TLK2: variants seen among roughly 807,000 people sequenced by gnomAD.
TLK2 encodes the protein tousled like kinase 2.
In TLK2, 6 loss-of-function variants were observed where a neutral mutation model predicts 117.3. The observed-to-expected ratio is 0.05, with a 90% CI of 0.03 to 0.10. TLK2 has a LOEUF of 0.10. Ranked by LOEUF, TLK2 falls within the 10% of genes least tolerant of loss-of-function variation. TLK2 has a pLI of 1.00. For synonymous variants in TLK2, 257 were observed against 316.7 expected (o/e 0.81, Z 2.00); for missense variants, 299 against 901.2 (o/e 0.33, Z 8.56).
At chr17:62,477,750 ATTTT>A, upstream of TLK2, 1 of 152,154 alleles carries the variant, frequency 6.6e-6, no homozygotes, top group South Asian at 2.1e-4. Flanking sequence ...GTGAAGAGTG[ATTTT>A]TTTCCCTTGG....
At chr17:62,582,088 A>G (rs1186620316) in intron 15 of TLK2, among the ~76,000 whole-genome samples, 3 of 152,176 alleles carry the variant, frequency 2.0e-5, no homozygotes, top group Admixed American at 6.5e-5. Flanking sequence ...CTCTACAAAG[A>G]AAGAAAAGAA....
intron 11 of TLK2, among the ~76,000 whole-genome samples, chr17:62,567,604 C>G (rs1485058967): frequency 6.6e-6 from 1 of 152,222 alleles, no homozygotes; most frequent in East Asian, 1.9e-4. Flanking sequence ...TTGAAATTCT[C>G]TAGTTGTAAA....
intron 11 of TLK2, among the ~76,000 whole-genome samples, chr17:62,568,672 C>T (rs1205854112): frequency 6.6e-6 from 1 of 151,904 alleles, no homozygotes; most frequent in Non-Finnish European, 1.5e-5. Flanking sequence ...GCAACCTCTG[C>T]CTCCCGAGTT....
At chr17:62,555,725 C>T (rs1171163349) in intron 9 of TLK2, among the ~76,000 whole-genome samples, 10 of 152,018 alleles carry the variant, frequency 6.6e-5, no homozygotes, top group African/African-American at 2.4e-4. Flanking sequence ...GATCCACCCA[C>T]CTCGGCCTCC....
At chr17:62,595,025 A>G (rs917505747) in intron 16 of TLK2, among the ~76,000 whole-genome samples, 4 of 152,208 alleles carry the variant, frequency 2.6e-5, no homozygotes, top group African/African-American at 9.6e-5. Flanking sequence ...GCCATGGCGC[A>G]GTCTCGCCTC....
chr17:62,520,348 A>G (rs1438652280), intron 2 of TLK2, among the ~76,000 whole-genome samples: 1 of 152,188 alleles, frequency 6.6e-6, no homozygotes, highest in African/African-American at 2.4e-5. Flanking sequence ...GGGCAGGATG[A>G]GAAACACTGA....
At chr17:62,577,905 G>A (rs1369979192) in intron 13 of TLK2, among the ~76,000 whole-genome samples, 2 of 152,088 alleles carry the variant, frequency 1.3e-5, no homozygotes, top group African/African-American at 2.4e-5. Flanking sequence ...AAATTAGCTG[G>A]GCGTGGTGGC....
chr17:62,487,309 AAG>A (rs1482648177), intron 2 of TLK2, among the ~76,000 whole-genome samples: 1 of 151,362 alleles, frequency 6.6e-6, no homozygotes, highest in African/African-American at 2.4e-5. Context: ...AAAAAAAAGA[AAG>A]AAATATGATT....
At chr17:62,523,598 A>C (rs1254287505) in intron 5 of TLK2, among the ~76,000 whole-genome samples, 1 of 152,136 alleles carries the variant, frequency 6.6e-6, no homozygotes, top group Non-Finnish European at 1.5e-5. Context: ...AAAGAAAGAA[A>C]GTAATGTTTT....
Position 62,536,166 on chromosome 17 carries a change from C to G in TLK2, c.364-4C>G, listed in dbSNP as rs750115967. The stretch of plus-strand genomic sequence containing the variant: ...CATTTGTGTGTTTCTTTACTGTTTT[C>G]CAGCGACGAGTAGAACAGCCCCTCT... On this transcript the variant is annotated splice_polypyrimidine_tract_variant and splice_region_variant and intron_variant, in intron 6 of 21. Transcript: ENST00000346027. The G allele has an allele frequency of 6.2e-7, 1 of 1,609,138 alleles. No individual in the cohort carries two copies. The highest frequency in any genetic ancestry group is 8.5e-7 in the Non-Finnish European group (1 of 1,178,282).
intron 17 of TLK2, among the ~76,000 whole-genome samples, chr17:62,597,484 C>T (rs769613577): frequency 2.6e-5 from 4 of 152,210 alleles, no homozygotes; most frequent in East Asian, 1.9e-4. Context: ...ATGCCACTGA[C>T]GTGCACTAGT....
intron 15 of TLK2, among the ~76,000 whole-genome samples, chr17:62,583,054 G>A (rs544598785): frequency 1.8e-4 from 27 of 151,924 alleles, no homozygotes; most frequent in Non-Finnish European, 2.6e-4. Context: ...TCCATCTCTC[G>A]CCTACCGTGT....
At chr17:62,476,927 A>T (rs1271182020), upstream of TLK2, among the ~76,000 whole-genome samples, 1 of 862 alleles carries the variant, frequency 1.2e-3, no homozygotes, top group Non-Finnish European at 0.25. Context: ...ACCAAAAAAG[A>T]AAAAAAAAAA....
intron 2 of TLK2, 78 bp downstream of exon 2, chr17:62,481,284 G>C (rs1241421079): frequency 1.3e-6 from 2 of 1,522,726 alleles, no homozygotes; most frequent in Non-Finnish European, 9.0e-7. Flanking sequence ...AGCAATTTGG[G>C]TAGGCCCTTC....
chr17:62,484,616 C>T (rs1218937367), intron 2 of TLK2, among the ~76,000 whole-genome samples: 2 of 151,868 alleles, frequency 1.3e-5, no homozygotes, highest in African/African-American at 2.4e-5. Context: ...ACTTCTTTTA[C>T]CAGTAAGACA....
At chr17:62,487,478 C>T (rs1292044457) in intron 2 of TLK2, among the ~76,000 whole-genome samples, 1 of 146,820 alleles carries the variant, frequency 6.8e-6, no homozygotes, top group Non-Finnish European at 1.5e-5. Flanking sequence ...GAGATCGCGC[C>T]ATTGCGCTCC....
At chr17:62,610,304 C>G (rs2083645582) in intron 21 of TLK2, among the ~76,000 whole-genome samples, 1 of 152,176 alleles carries the variant, frequency 6.6e-6, no homozygotes, top group Non-Finnish European at 1.5e-5. Context: ...TCCTGTCCTC[C>G]CACAACAAAT....
At chr17:62,530,273 G>GA (rs2076653387) in intron 6 of TLK2, among the ~76,000 whole-genome samples, 1 of 151,680 alleles carries the variant, frequency 6.6e-6, no homozygotes, top group Admixed American at 6.6e-5. Context: ...GACTGTCTCA[G>GA]AAACAAACAA....
Position 62,482,597 on chromosome 17 carries a change from G to A in TLK2, c.81+1391G>A, listed in dbSNP as rs527295836. Among the ~76,000 whole-genome samples the A allele has an allele frequency of 8.6e-5, 13 of 151,892 alleles. No individual in the cohort carries two copies. In the East Asian group the frequency reaches 2.5e-3, roughly 30 times the overall value. ...CCTGAGTAGCTGGGATTACAGGCAT[G>A]CACCACCATGCCTGGTTAATTTTTT... On this transcript the variant is annotated intron_variant, in intron 2 of 21. Coordinates refer to ENST00000346027, the MANE Select transcript of TLK2 (RefSeq NM_006852.6).
Sources: gnomAD v4.1 joint callset for allele counts (sites outside exome capture counted in the v4.1 genomes callset) on GRCh38, gnomAD v4.1.1 for gene constraint, MANE v1.5 for transcripts, NCBI Gene and HGNC (gene_info 2026-07-23, HGNC 2026-07-21) for gene names.